The following UBE2R2 variants were observed in gnomAD, a reference collection of about 807,000 sequenced individuals.
The protein encoded by UBE2R2 is ubiquitin-conjugating enzyme E2 R2.
A neutral mutation model predicts 27.8 loss-of-function variants in UBE2R2; 1 was observed. The ratio of observed to expected loss-of-function variants is 0.04; its 90% confidence interval spans 0.01 to 0.17. UBE2R2 has a LOEUF of 0.17. UBE2R2 is among the 10% of genes least tolerant of loss of function. The pLI, the probability that UBE2R2 is intolerant of heterozygous loss-of-function variation, is 1.00. For missense variants in UBE2R2, 100 were observed against 291.0 expected, an observed-to-expected ratio of 0.34 and a Z score of 4.78; for synonymous variants, 106 against 113.3, an observed-to-expected ratio of 0.94 and a Z score of 0.41.
At chr9:33,892,194 A>G in intron 2 of UBE2R2, among the ~76,000 whole-genome samples, 1 of 152,104 alleles carries the variant, frequency 6.6e-6, no homozygotes, top group East Asian at 1.9e-4. Context: ...TCTGTTTTGC[A>G]CTGTGTTTAG....
At chr9:33,843,670 G>C (rs1349327651) in intron 1 of UBE2R2, among the ~76,000 whole-genome samples, 1 of 151,816 alleles carries the variant, frequency 6.6e-6, no homozygotes, top group Non-Finnish European at 1.5e-5. Flanking sequence ...GTAGAGATGG[G>C]GTTTCACCAT....
intron 2 of UBE2R2, among the ~76,000 whole-genome samples, chr9:33,896,554 T>C (rs1024261241): frequency 7.2e-5 from 11 of 151,840 alleles, no homozygotes; most frequent in African/African-American, 2.7e-4. Flanking sequence ...GCGATTCTCC[T>C]GCCTCAGCCT....
At chr9:33,898,468 A>G (rs576713385) in intron 2 of UBE2R2, among the ~76,000 whole-genome samples, 1 of 129,466 alleles carries the variant, frequency 7.7e-6, no homozygotes, top group Non-Finnish European at 1.9e-5. Flanking sequence ...TTTTGTATTA[A>G]TTTTATTTTA....
chr9:33,829,251 C>T (rs1358017592), intron 1 of UBE2R2, among the ~76,000 whole-genome samples: 2 of 152,144 alleles, frequency 1.3e-5, no homozygotes, highest in East Asian at 1.9e-4. Context: ...AATCATATTT[C>T]AGAAAGGCTT....
chr9:33,822,906 ATTT>A (rs542620697), intron 1 of UBE2R2, among the ~76,000 whole-genome samples: 24 of 127,862 alleles, frequency 1.9e-4, no homozygotes, highest in Non-Finnish European at 1.8e-4. Flanking sequence ...CTTCTTATTA[ATTT>A]TTTTTTTTTT....
chr9:33,883,217 T>C (rs978556066), intron 1 of UBE2R2, among the ~76,000 whole-genome samples: 5 of 152,228 alleles, frequency 3.3e-5, no homozygotes, highest in African/African-American at 1.2e-4. Flanking sequence ...TGTTTTCTTT[T>C]AAGAATTTTA....
rs1445146742 is a variant in UBE2R2, at chr9:33,898,001, C to T, written c.265-2173C>T. Reference sequence around the variant, plus strand: ...TGTTAGTCAGGCTGGTCTCGAACTCCTGACCTCAGGTGATCTGCCCGCCTT... The same window carrying T: ...TGTTAGTCAGGCTGGTCTCGAACTCTTGACCTCAGGTGATCTGCCCGCCTT... On this transcript the variant is annotated intron_variant, in intron 2 of 4. Coordinates refer to ENST00000263228, the MANE Select transcript of UBE2R2 (RefSeq NM_017811.4). Among the ~76,000 whole-genome samples, 3 of 151,898 alleles carry T rather than the reference C, an allele frequency of 2.0e-5. No homozygotes were observed. In the East Asian group the frequency reaches 5.8e-4, roughly 30 times the overall value.
chr9:33,871,955 G>A (rs1003383944), intron 1 of UBE2R2, among the ~76,000 whole-genome samples: 1 of 151,974 alleles, frequency 6.6e-6, no homozygotes, highest in Admixed American at 6.6e-5. Context: ...CTCGTGATCC[G>A]CCTGCCTCAG....
chr9:33,919,570 C>T lies in UBE2R2; in HGVS notation c.*2333C>T, dbSNP rs562574405. The T allele has an allele frequency of 6.6e-6, 1 of 151,692 alleles. No individual in the cohort carries two copies. Among genetic ancestry groups the T allele is most frequent in the African/African-American group, 2.4e-5 (1 of 41,172 alleles). 9.4% of individuals were successfully genotyped at this position (151,692 alleles called of 1,614,324 possible). ...TTAAAAGTGTCAAGGGCTGGGTTTGCCTCTGATGAGTACAATCAGTTCCAG... is the reference window on the plus strand; with the variant it reads ...TTAAAAGTGTCAAGGGCTGGGTTTGTCTCTGATGAGTACAATCAGTTCCAG... On this transcript the variant is annotated 3_prime_UTR_variant, in exon 5 of 5. Transcript: ENST00000263228.
chr9:33,833,512 A>G (rs1366297691), intron 1 of UBE2R2, among the ~76,000 whole-genome samples: 1 of 152,124 alleles, frequency 6.6e-6, no homozygotes, highest in Non-Finnish European at 1.5e-5. Context: ...CGTTTCTTGT[A>G]AGAGCTTCAG....
chr9:33,898,434 A>G lies in UBE2R2; in HGVS notation c.265-1740A>G, dbSNP rs77055210. Among the ~76,000 whole-genome samples, 770 of 152,000 alleles carry G rather than the reference A, an allele frequency of 5.1e-3. 5 individuals carry two copies. The highest frequency in any genetic ancestry group is 8.0e-3 in the Non-Finnish European group (547 of 67,956). On this transcript the variant is annotated intron_variant, in intron 2 of 4. Transcript: ENST00000263228. Reference sequence around the variant, plus strand: ...TACATGCCTTATGGTATCTAACCATAAGGCAGTGTGTTAGAATATAATATT... The same window carrying G: ...TACATGCCTTATGGTATCTAACCATGAGGCAGTGTGTTAGAATATAATATT...
chr9:33,818,217 G>C (rs1825867197), intron 1 of UBE2R2, among the ~76,000 whole-genome samples: 1 of 152,158 alleles, frequency 6.6e-6, no homozygotes, highest in Non-Finnish European at 1.5e-5. Context: ...GGAGGAGGCC[G>C]CCTTTGTTTC....
At chr9:33,906,533 A>C (rs1377195419) in intron 3 of UBE2R2, among the ~76,000 whole-genome samples, 1 of 152,086 alleles carries the variant, frequency 6.6e-6, no homozygotes, top group Admixed American at 6.6e-5. Flanking sequence ...CCAGTCTGTA[A>C]TCCTTCAAAA....
intron 3 of UBE2R2, among the ~76,000 whole-genome samples, chr9:33,907,156 C>T (rs1822374417): frequency 6.6e-6 from 1 of 152,126 alleles, no homozygotes; most frequent in Non-Finnish European, 1.5e-5. Flanking sequence ...TTATTGTTTA[C>T]AAACTTATTT....
chr9:33,844,593 AGT>A lies in UBE2R2; in HGVS notation c.177+26662_177+26663del, dbSNP rs547223184. 2.2e-4 allele frequency among the ~76,000 whole-genome samples: 29 copies of A among 132,116 alleles called. No individual in the cohort carries two copies. In the East Asian group the frequency reaches 6.8e-3, roughly 31 times the overall value. 86.7% of individuals were successfully genotyped at this position (132,116 alleles called of 152,430 possible). A position where few individuals can be genotyped will look rare whatever the true frequency, so the allele number is the denominator to read the frequency against. ...ATTCCATTTAAGGTTGAACTGAATT[AGT>A]GTTTATTCAAGTTTGAAAATATTCT... On this transcript the variant is annotated intron_variant, in intron 1 of 4. Coordinates refer to ENST00000263228, the MANE Select transcript of UBE2R2 (RefSeq NM_017811.4).
chr9:33,861,945 C>T (rs1260352520), intron 1 of UBE2R2, among the ~76,000 whole-genome samples: 3 of 149,900 alleles, frequency 2.0e-5, no homozygotes, highest in Non-Finnish European at 4.4e-5. Context: ...CCTCTGCCTT[C>T]CAGGTTCAAG....
At chr9:33,899,981 G>A (rs1822210960) in intron 2 of UBE2R2, among the ~76,000 whole-genome samples, 193 bp from the exon 3 acceptor site, 1 of 152,082 alleles carries the variant, frequency 6.6e-6, no homozygotes, top group African/African-American at 2.4e-5. Flanking sequence ...AATATACCTT[G>A]GAGATTGGTC....
In UBE2R2 at chr9:33,829,491, A is replaced by G. The variant is rs368130806; in HGVS notation, c.177+11557A>G. ...AATGCCTAGACTTCACCTCTATGCA[A>G]AACATCCATGTAACAAAACTGCATG... On this transcript the variant is annotated intron_variant, in intron 1 of 4. Transcript: ENST00000263228. Among the ~76,000 whole-genome samples the G allele has an allele frequency of 8.9e-4, 135 of 152,298 alleles. 3 individuals are homozygous for G. The South Asian group carries it at 0.027, about 30-fold the overall frequency.
At chr9:33,847,457 C>A (rs1820870670) in intron 1 of UBE2R2, among the ~76,000 whole-genome samples, 1 of 151,992 alleles carries the variant, frequency 6.6e-6, no homozygotes, top group African/African-American at 2.4e-5. Flanking sequence ...TGTCTTTTTT[C>A]TTTTGGCTGC....
Sources: gnomAD v4.1 joint callset for allele counts (sites outside exome capture counted in the v4.1 genomes callset) on GRCh38, gnomAD v4.1.1 for gene constraint, MANE v1.5 for transcripts, NCBI Gene and HGNC (gene_info 2026-07-23, HGNC 2026-07-21) for gene names.